The following PTK2 variants were observed in gnomAD, a reference collection of about 807,000 sequenced individuals.
PTK2 encodes protein tyrosine kinase 2.
In PTK2, 45 loss-of-function variants were observed where a neutral mutation model predicts 150.1. The observed-to-expected ratio is 0.30, with a 90% CI of 0.24 to 0.38. The LOEUF is 0.38. Among genes scored for constraint, PTK2 ranks in the 10% least tolerant of loss-of-function variants. The pLI is 1.00. For missense variants in PTK2, 919 were observed against 1,307.3 expected (o/e 0.70, Z 4.58); for synonymous variants, 432 against 449.2 (o/e 0.96, Z 0.48).
chr8:140,717,146 A>G (rs2154262331), intron 23 of PTK2, among the ~76,000 whole-genome samples: 1 of 152,344 alleles, frequency 6.6e-6, no homozygotes, highest in Non-Finnish European at 1.5e-5. Flanking sequence ...ACGAAAGAAA[A>G]AGGCAAAAAA....
intron 2 of PTK2, among the ~76,000 whole-genome samples, chr8:140,914,301 C>G (rs1040358971): frequency 1.3e-5 from 2 of 151,854 alleles, no homozygotes; most frequent in Non-Finnish European, 2.9e-5. Flanking sequence ...TACAGAAAAC[C>G]ATTGAATTTA....
At chr8:140,852,177 G>A (rs957749153) in intron 5 of PTK2, among the ~76,000 whole-genome samples, 1 of 152,164 alleles carries the variant, frequency 6.6e-6, no homozygotes, top group Non-Finnish European at 1.5e-5. Flanking sequence ...CCTACTGTGT[G>A]GTGGATACAA....
rs1272257211 is a variant in PTK2, at chr8:140,912,233, ACT to A, written c.-33+13426_-33+13427del. Reference sequence around the variant, plus strand: ...ATTCTAGCCTGGACAACAGAGTAACACTCTGTCTCTATAAAAGAAAAAAAAAA... The same window carrying A: ...ATTCTAGCCTGGACAACAGAGTAACACTGTCTCTATAAAAGAAAAAAAAAA... On this transcript the variant is annotated intron_variant, in intron 2 of 31. Coordinates refer to ENST00000522684, the Ensembl canonical transcript of PTK2. 9.9e-5 allele frequency among the ~76,000 whole-genome samples: 15 copies of A among 151,424 alleles called. 1 individual carries two copies. Among genetic ancestry groups the A allele is most frequent in the African/African-American group, 3.6e-4 (15 of 41,220 alleles).
intron 23 of PTK2, among the ~76,000 whole-genome samples, chr8:140,710,601 G>A (rs940766346): frequency 1.3e-5 from 2 of 152,018 alleles, no homozygotes; most frequent in Non-Finnish European, 2.9e-5. Context: ...AACCCGGGAG[G>A]TAGAGGTTGC....
chr8:140,919,384 C>T (rs1376401076), intron 2 of PTK2, among the ~76,000 whole-genome samples: 1 of 152,180 alleles, frequency 6.6e-6, no homozygotes, highest in Non-Finnish European at 1.5e-5. Flanking sequence ...AGCAAAAACA[C>T]TATAATCTCT....
intron 8 of PTK2, among the ~76,000 whole-genome samples, chr8:140,823,551 C>A (rs1218053872): frequency 6.6e-6 from 1 of 152,070 alleles, no homozygotes. Context: ...CTAAAACCTG[C>A]CACTAAGAGC....
At chr8:140,991,882 G>A (rs1174787950) in intron 1 of PTK2, among the ~76,000 whole-genome samples, 1 of 152,072 alleles carries the variant, frequency 6.6e-6, no homozygotes, top group Non-Finnish European at 1.5e-5. Flanking sequence ...AGTGGCATGC[G>A]CCTGTAGTCC....
At chr8:140,689,803 A>C (rs2100022055) in intron 26 of PTK2, among the ~76,000 whole-genome samples, 1 of 152,152 alleles carries the variant, frequency 6.6e-6, no homozygotes, top group South Asian at 2.1e-4. Context: ...AAACTCTGAA[A>C]CTATCCTTTC....
chr8:140,720,807 G>A (rs905489707), intron 22 of PTK2, among the ~76,000 whole-genome samples: 3 of 152,150 alleles, frequency 2.0e-5, no homozygotes, highest in Non-Finnish European at 4.4e-5. Context: ...AGGCTGAAGT[G>A]CAGTGGCACG....
At chr8:140,681,685 G>A (rs892910057) in intron 27 of PTK2, among the ~76,000 whole-genome samples, 4 of 152,010 alleles carry the variant, frequency 2.6e-5, no homozygotes, top group Admixed American at 2.0e-4. Flanking sequence ...GCTGAGGCAG[G>A]AGAATGGTGT....
At chr8:140,879,698 A>G in intron 3 of PTK2, 61 bp from the exon 4 acceptor site, 1 of 1,233,946 alleles carries the variant, frequency 8.1e-7, no homozygotes, top group Non-Finnish European at 1.1e-6. Flanking sequence ...AAAAAAAAAA[A>G]AAACCAAAAC....
intron 4 of PTK2, 130 bp downstream of exon 4, chr8:140,879,341 T>C: frequency 1.0e-6 from 1 of 993,244 alleles, no homozygotes; most frequent in South Asian, 2.1e-5. Flanking sequence ...TACTAACGAA[T>C]TTTATTTATA....
At chr8:140,953,243 CTA>C (rs1390529652) in intron 1 of PTK2, among the ~76,000 whole-genome samples, 1 of 152,118 alleles carries the variant, frequency 6.6e-6, no homozygotes, top group African/African-American at 2.4e-5. Context: ...GCTATATATA[CTA>C]TGTTTTTCCT....
chr8:140,831,227 T>C (rs1205736039), intron 7 of PTK2, among the ~76,000 whole-genome samples: 1 of 152,230 alleles, frequency 6.6e-6, no homozygotes, highest in East Asian at 1.9e-4. Flanking sequence ...GAATAGCTGA[T>C]TCTTTTCCTA....
intron 4 of PTK2, among the ~76,000 whole-genome samples, chr8:140,874,709 A>G (rs957780484): frequency 6.6e-6 from 1 of 152,170 alleles, no homozygotes; most frequent in Non-Finnish European, 1.5e-5. Flanking sequence ...ATAGAAATTA[A>G]TTTTGATGAA....
At chr8:140,761,341 C>A in intron 15 of PTK2, 79 bp from the exon 19 acceptor site, 1 of 1,147,150 alleles carries the variant, frequency 8.7e-7, no homozygotes, top group Non-Finnish European at 1.3e-6. Context: ...ATTTCTTGAT[C>A]ATCCATAAGT....
chr8:140,905,015 T>C (rs2100160291), intron 2 of PTK2, among the ~76,000 whole-genome samples: 1 of 152,162 alleles, frequency 6.6e-6, no homozygotes, highest in Non-Finnish European at 1.5e-5. Flanking sequence ...CTAATCTTAG[T>C]TATTTCTTGT....
intron 23 of PTK2, among the ~76,000 whole-genome samples, chr8:140,711,960 A>T (rs2100037087): frequency 6.6e-6 from 1 of 152,192 alleles, no homozygotes; most frequent in Non-Finnish European, 1.5e-5. Context: ...TTATAAAATC[A>T]TTTTTTATAT....
At position 140,941,260 on chromosome 8, in the gene PTK2, C is replaced by T. The variant is rs58412273; in HGVS notation, c.-121-15511G>A. Among the ~76,000 whole-genome samples the T allele has an allele frequency of 5.5e-3, 838 of 152,262 alleles. 8 individuals are homozygous for T. The highest frequency in any genetic ancestry group is 0.019 in the African/African-American group (788 of 41,560). On this transcript the variant is annotated intron_variant, in intron 1 of 31. Coordinates refer to ENST00000522684, the Ensembl canonical transcript of PTK2. ...AGACAATAAAATATAAAAAGCAGAACAATCAGCAATCTCCCTCCTGTTCCC... is the reference window on the plus strand; with the variant it reads ...AGACAATAAAATATAAAAAGCAGAATAATCAGCAATCTCCCTCCTGTTCCC...
Sources: gnomAD v4.1 joint callset for allele counts (sites outside exome capture counted in the v4.1 genomes callset) on GRCh38, gnomAD v4.1.1 for gene constraint, MANE v1.5 for transcripts, NCBI Gene and HGNC (gene_info 2026-07-23, HGNC 2026-07-21) for gene names.